Variants in PISD observed in about 807,000 individuals in gnomAD.
PISD encodes phosphatidylserine decarboxylase.
In PISD, 31 loss-of-function variants were observed where a neutral mutation model predicts 43.5. The observed-to-expected ratio is 0.71, with a 90% confidence interval of 0.54 to 0.96. The LOEUF is 0.96. Among genes scored for constraint, PISD ranks in the 40% least tolerant of loss-of-function variants. The pLI is 0.00. For missense variants in PISD, 523 were observed against 548.4 expected, an observed-to-expected ratio of 0.95 and a Z score of 0.46; for synonymous variants, 259 against 228.7, an observed-to-expected ratio of 1.13 and a Z score of -1.20.
intron 3 of PISD, among the ~76,000 whole-genome samples, chr22:31,634,683 C>A: frequency 6.6e-6 from 1 of 151,336 alleles, no homozygotes; most frequent in Middle Eastern, 3.4e-3. Context: ...ACTAAACATA[C>A]AAAAATTAGC....
chr22:31,622,502 CA>C (rs1461119074), intron 3 of PISD, among the ~76,000 whole-genome samples: 1 of 152,244 alleles, frequency 6.6e-6, no homozygotes, highest in African/African-American at 2.4e-5. Context: ...GTCCAGCCAG[CA>C]CTCTTGAGGG....
At chr22:31,657,749 G>A (rs2074220400) in intron 1 of PISD, among the ~76,000 whole-genome samples, 1 of 151,402 alleles carries the variant, frequency 6.6e-6, no homozygotes, top group Non-Finnish European at 1.5e-5. Flanking sequence ...TTGAACTCCT[G>A]ACCTCAGGTG....
intron 3 of PISD, chr22:31,638,410 T>A (rs1294101021): frequency 1.0e-6 from 1 of 980,952 alleles, no homozygotes; most frequent in Non-Finnish European, 1.2e-6. Flanking sequence ...CCAAATGCCC[T>A]GGGTCTGTGG....
upstream of PISD, chr22:31,662,254 G>T (rs1311762358): frequency 5.1e-6 from 8 of 1,579,318 alleles, no homozygotes; most frequent in Non-Finnish European, 6.9e-6. Context: ...CACACGCTGG[G>T]CGCACGCTTA....
chr22:31,625,804 C>CT, intron 3 of PISD: 1 of 1,601,148 alleles, frequency 6.2e-7, no homozygotes, highest in Non-Finnish European at 8.5e-7. Flanking sequence ...GCGCCTCTGA[C>CT]TGACACATCA....
chr22:31,621,867 C>A lies in PISD; in HGVS notation c.340G>T (p.Val114Leu). The change falls in exon 4 of 8, where the codon GTG (valine) becomes TTG (leucine). Residue 114 changes from valine to leucine, a missense_variant. Transcript: ENST00000439502. The part of the protein sequence containing the change: ...GHWEVALYKS[V>L]PTRLLSRAWG... ...GCCCGTGACAGCAAGCGCGTTGGCA[C>A]TGACTTGTACAAAGCCACCTGCAGG... The A allele has an allele frequency of 8.1e-6, 13 of 1,609,042 alleles. No homozygotes were observed. Among genetic ancestry groups the A allele is most frequent in the Non-Finnish European group, 1.1e-5 (13 of 1,179,970 alleles).
At position 31,621,760 on chromosome 22, in the gene PISD, C is replaced by T. The variant is rs1232265180; in HGVS notation, c.447G>A (p.Val149=). Reference sequence around the variant, plus strand: ...CCTCCACAGCGGCCTCTTTCATGTTCACCCCAAACGTCCAGATGTACAGGC... The same window carrying T: ...CCTCCACAGCGGCCTCTTTCATGTTTACCCCAAACGTCCAGATGTACAGGC... ...VYSLYIWTFG[V]NMKEAAVEDL... The change falls in exon 4 of 8, where the codon GTG becomes GTA. Residue 149 remains valine, a synonymous_variant. Transcript: ENST00000439502. 1.9e-6 allele frequency: 3 copies of T among 1,614,160 alleles called. No homozygotes were observed. The highest frequency in any genetic ancestry group is 1.1e-5 in the South Asian group (1 of 91,082).
intron 3 of PISD, chr22:31,629,686 G>C (rs2073105983): frequency 6.6e-6 from 1 of 152,126 alleles, no homozygotes; most frequent in African/African-American, 2.4e-5. Flanking sequence ...GTAGGGGTAT[G>C]CGTGTATACA....
intron 3 of PISD, among the ~76,000 whole-genome samples, chr22:31,645,947 C>T (rs9621302): frequency 0.014 from 2,175 of 151,586 alleles, 50 homozygotes; most frequent in African/African-American, 0.049. Flanking sequence ...CAAGTTATCT[C>T]AGTATATATA....
At chr22:31,657,297 G>T (rs905992273) in intron 1 of PISD, among the ~76,000 whole-genome samples, 1 of 151,856 alleles carries the variant, frequency 6.6e-6, no homozygotes, top group African/African-American at 2.4e-5. Flanking sequence ...CACCATGCCT[G>T]GCTAATTTTT....
At chr22:31,637,296 G>T (rs2073536577) in intron 3 of PISD, among the ~76,000 whole-genome samples, 3 of 147,610 alleles carry the variant, frequency 2.0e-5, no homozygotes, top group Admixed American at 1.3e-4. Context: ...CTGGGAGGTT[G>T]AGGCTGCAGT....
At chr22:31,657,989 CTAACTTCT>C (rs1288781313) in intron 1 of PISD, among the ~76,000 whole-genome samples, 1 of 152,194 alleles carries the variant, frequency 6.6e-6, no homozygotes, top group African/African-American at 2.4e-5. Flanking sequence ...CTGTTGAGCA[CTAACTTCT>C]TAATTATCTT....
rs35782790 is a variant in PISD at position 31,640,199 on chromosome 22, C to CTTTTT, written c.321+7897_321+7901dup. On this transcript the variant is annotated intron_variant, in intron 3 of 7. Coordinates refer to ENST00000439502, the MANE Select transcript of PISD (RefSeq NM_001326411.2). Reference sequence around the variant, plus strand: ...CTTTCCAGAACACGATTTCAAGCTACTTTTTTTTTTTTTTTTTGAGACAGA... The same window carrying CTTTTT: ...CTTTCCAGAACACGATTTCAAGCTACTTTTTTTTTTTTTTTTTTTTTTGAGACAGA... Among the ~76,000 whole-genome samples, 73 of 139,364 alleles carry CTTTTT rather than the reference C, an allele frequency of 5.2e-4. 1 individual carries two copies. The highest frequency in any genetic ancestry group is 3.6e-3 in the Middle Eastern group (1 of 276). 91.4% of individuals were successfully genotyped at this position (139,364 alleles called of 152,430 possible).
chr22:31,640,676 G>A (rs2073676095), intron 3 of PISD, among the ~76,000 whole-genome samples: 1 of 147,832 alleles, frequency 6.8e-6, no homozygotes, highest in Non-Finnish European at 1.5e-5. Context: ...TGCCTCCTGG[G>A]TTCAAGCAAT....
At chr22:31,644,947 C>A (rs1032128619) in intron 3 of PISD, among the ~76,000 whole-genome samples, 1 of 151,738 alleles carries the variant, frequency 6.6e-6, no homozygotes, top group Non-Finnish European at 1.5e-5. Flanking sequence ...AGAGGGTGAA[C>A]CCCTGTCTCT....
intron 3 of PISD, chr22:31,632,131 G>C (rs1427533119): frequency 3.9e-6 from 2 of 507,546 alleles, no homozygotes; most frequent in Admixed American, 6.4e-5. Context: ...GCCACGCCTG[G>C]AATAGGACAT....
intron 3 of PISD, among the ~76,000 whole-genome samples, chr22:31,636,863 A>C (rs1214187757): frequency 8.6e-5 from 13 of 151,576 alleles, no homozygotes; most frequent in Non-Finnish European, 1.6e-4. Flanking sequence ...TTTTTAGTAG[A>C]GACGGGGTTT....
At chr22:31,637,143 T>TTAA (rs1556419492) in intron 3 of PISD, among the ~76,000 whole-genome samples, 1 of 31,606 alleles carries the variant, frequency 3.2e-5, no homozygotes, top group South Asian at 1.1e-3. Flanking sequence ...ATAAATAAAT[T>TTAA]AAAAAAAAAA....
In PISD at chr22:31,618,702, TC is replaced by T. The variant is rs1427776844; in HGVS notation, c.*909del. 1.3e-5 allele frequency: 4 copies of T among 313,764 alleles called. No homozygotes were observed. The highest frequency in any genetic ancestry group is 2.3e-5 in the Non-Finnish European group (4 of 173,276). The allele number at this position is 313,764 out of a possible 1,614,324, so 19.4% of individuals were successfully genotyped here. ...CACTGGGGGCTCCCCAGGCCTGCGTTCCTGATAAACTGGGACAGGTTTTCCA... is the reference window on the plus strand; with the variant it reads ...CACTGGGGGCTCCCCAGGCCTGCGTTCTGATAAACTGGGACAGGTTTTCCA... On this transcript the variant is annotated 3_prime_UTR_variant, in exon 8 of 8. Coordinates refer to ENST00000439502, the MANE Select transcript of PISD (RefSeq NM_001326411.2).
Sources: allele counts gnomAD v4.1 joint callset (sites outside exome capture counted in the v4.1 genomes callset), GRCh38; gene constraint gnomAD v4.1.1; transcripts MANE v1.5; gene names NCBI Gene and HGNC (gene_info 2026-07-23, HGNC 2026-07-21).